Variants in ENTPD1 observed in about 807,000 individuals in gnomAD.
ENTPD1 encodes ectonucleoside triphosphate diphosphohydrolase 1.
ENTPD1 carries 33 observed loss-of-function variants against 57.0 expected under a neutral mutation model. That is an observed-to-expected ratio of 0.58 (90% CI 0.44 to 0.77). The LOEUF (loss-of-function observed/expected upper bound fraction) is 0.77. Among genes scored for constraint, ENTPD1 ranks in the 30% least tolerant of loss-of-function variants. The pLI is 0.00. For synonymous variants in ENTPD1, 202 were observed against 218.8 expected (o/e 0.92, Z 0.68); for missense variants, 501 against 603.4 (o/e 0.83, Z 1.78).
intron 1 of ENTPD1, among the ~76,000 whole-genome samples, chr10:95,822,761 A>G (rs1566196558): frequency 6.6e-6 from 1 of 152,234 alleles, no homozygotes; most frequent in African/African-American, 2.4e-5. Context: ...GGTGGTTTAA[A>G]TGCAAGGGGT....
intron 1 of ENTPD1, among the ~76,000 whole-genome samples, chr10:95,716,698 C>T (rs1368797571): frequency 6.6e-6 from 1 of 152,170 alleles, no homozygotes; most frequent in Admixed American, 6.5e-5. Flanking sequence ...AACGTGAGGC[C>T]CTTGTCGGAT....
chr10:95,718,312 G>A (rs2097973866), intron 1 of ENTPD1, among the ~76,000 whole-genome samples: 1 of 152,058 alleles, frequency 6.6e-6, no homozygotes, highest in African/African-American at 2.4e-5. Context: ...GAGTACTGGG[G>A]CTTGGTTTCC....
intron 7 of ENTPD1, among the ~76,000 whole-genome samples, chr10:95,848,693 C>T (rs1010122942): frequency 1.1e-4 from 16 of 152,222 alleles, no homozygotes; most frequent in African/African-American, 3.9e-4. Flanking sequence ...TCCTTGCACA[C>T]ATCTCTTGCA....
chr10:95,859,963 T>G (rs1211097934), intron 7 of ENTPD1, among the ~76,000 whole-genome samples: 6 of 152,150 alleles, frequency 3.9e-5, no homozygotes, highest in African/African-American at 1.4e-4. Flanking sequence ...TAGCCCATAG[T>G]AGACCTGTAA....
At chr10:95,792,608 G>C (rs544201349) in intron 1 of ENTPD1, among the ~76,000 whole-genome samples, 2 of 152,326 alleles carry the variant, frequency 1.3e-5, no homozygotes, top group East Asian at 3.9e-4. Context: ...AAACTGGCCT[G>C]TTGGGAAATT....
At chr10:95,828,021 A>G (rs2098383726) in intron 2 of ENTPD1, among the ~76,000 whole-genome samples, 1 of 152,162 alleles carries the variant, frequency 6.6e-6, no homozygotes, top group African/African-American at 2.4e-5. Flanking sequence ...ATGAGAAGAG[A>G]GTCAAGGTCC....
intron 1 of ENTPD1, among the ~76,000 whole-genome samples, chr10:95,793,225 G>A (rs1441289706): frequency 6.6e-6 from 1 of 152,222 alleles, no homozygotes; most frequent in Non-Finnish European, 1.5e-5. Context: ...CTAAAAAGCA[G>A]GCTGATAGTA....
At chr10:95,725,452 C>T (rs1413450674) in intron 1 of ENTPD1, among the ~76,000 whole-genome samples, 4 of 152,008 alleles carry the variant, frequency 2.6e-5, no homozygotes, top group African/African-American at 9.7e-5. Flanking sequence ...AATATAGCAA[C>T]TCGGGATTCT....
chr10:95,768,919 G>T (rs2098102673), intron 1 of ENTPD1, among the ~76,000 whole-genome samples: 1 of 152,188 alleles, frequency 6.6e-6, no homozygotes, highest in Non-Finnish European at 1.5e-5. Context: ...AGTATTTAAG[G>T]ATGTATTAGG....
At chr10:95,809,013 CAT>C (rs1253630884) in intron 1 of ENTPD1, among the ~76,000 whole-genome samples, 1 of 152,120 alleles carries the variant, frequency 6.6e-6, no homozygotes, top group Non-Finnish European at 1.5e-5. Flanking sequence ...TGACACAGCA[CAT>C]GTTTCAGAGA....
At chr10:95,709,637 G>C (rs567319106), upstream of ENTPD1, among the ~76,000 whole-genome samples, 3 of 152,266 alleles carry the variant, frequency 2.0e-5, no homozygotes, top group African/African-American at 4.8e-5. Context: ...GCCGGCCTTG[G>C]CCTCCCAAGT....
chr10:95,729,452 C>T (rs1395084079), intron 1 of ENTPD1, among the ~76,000 whole-genome samples: 3 of 152,132 alleles, frequency 2.0e-5, no homozygotes, highest in African/African-American at 7.2e-5. Flanking sequence ...TATCTGTTTC[C>T]TCAGGATGGT....
At chr10:95,715,226 G>C (rs1418195848) in intron 1 of ENTPD1, among the ~76,000 whole-genome samples, 1 of 151,992 alleles carries the variant, frequency 6.6e-6, no homozygotes, top group Non-Finnish European at 1.5e-5. Flanking sequence ...GTCAGTATTT[G>C]CTTCATGTAT....
the ENTPD1 span, among the ~76,000 whole-genome samples, chr10:95,697,814 G>A: frequency 6.6e-6 from 1 of 152,208 alleles, no homozygotes; most frequent in Admixed American, 6.5e-5. Context: ...CAGGCATTCT[G>A]TTATAAGCAA....
chr10:95,698,079 C>T, the ENTPD1 span, among the ~76,000 whole-genome samples: 22 of 152,128 alleles, frequency 1.4e-4, no homozygotes, highest in South Asian at 2.1e-4. Context: ...AACCAGAATA[C>T]GGATAGAAAT....
chr10:95,768,303 G>T (rs756217934), intron 1 of ENTPD1, among the ~76,000 whole-genome samples: 59 of 152,166 alleles, frequency 3.9e-4, no homozygotes, highest in South Asian at 1.0e-3. Flanking sequence ...CCAAATTTAG[G>T]ACTTATTTAG....
At chr10:95,790,039 CG>C (rs1325018294) in intron 1 of ENTPD1, among the ~76,000 whole-genome samples, 1 of 152,084 alleles carries the variant, frequency 6.6e-6, no homozygotes, top group Non-Finnish European at 1.5e-5. Flanking sequence ...CAAAGTACCA[CG>C]AGTGATATTG....
chr10:95,792,528 G>T (rs1033079504), intron 1 of ENTPD1, among the ~76,000 whole-genome samples: 1 of 152,142 alleles, frequency 6.6e-6, no homozygotes, highest in Admixed American at 6.6e-5. Flanking sequence ...ATAACTGATT[G>T]GTTAACATCG....
chr10:95,742,578 T>C (rs4918965), intron 1 of ENTPD1, among the ~76,000 whole-genome samples: 122,697 of 148,244 alleles, frequency 0.83, 51,428 homozygotes, highest in African/African-American at 0.92. Flanking sequence ...TATTGTGTGT[T>C]GTGGATGGAA....
Sources: gnomAD v4.1 joint callset for allele counts (sites outside exome capture counted in the v4.1 genomes callset) on GRCh38, gnomAD v4.1.1 for gene constraint, MANE v1.5 for transcripts, NCBI Gene and HGNC (gene_info 2026-07-23, HGNC 2026-07-21) for gene names.